KALRN: variants seen among roughly 807,000 people sequenced by gnomAD.
The protein encoded by KALRN is kalirin RhoGEF kinase.
Under a neutral mutation model 353.7 loss-of-function variants are expected in KALRN, and 70 were observed. That is an observed-to-expected ratio of 0.20 (90% CI 0.16 to 0.24). The LOEUF is 0.24. Ranked by LOEUF, KALRN falls within the 10% of genes least tolerant of loss-of-function variation. The pLI, the probability that KALRN is intolerant of heterozygous loss-of-function variation, is 1.00. For missense variants in KALRN, 2,791 were observed against 3,756.7 expected (o/e 0.74, Z 6.72); for synonymous variants, 1,391 against 1,434.8 (o/e 0.97, Z 0.69).
At chr3:124,661,508 C>T (rs1211950231) in intron 44 of KALRN, among the ~76,000 whole-genome samples, 3 of 152,192 alleles carry the variant, frequency 2.0e-5, no homozygotes, top group African/African-American at 7.2e-5. Flanking sequence ...CCAGGCTAAG[C>T]TGTTGCCTGG....
chr3:124,698,094 T>C (rs2062140027), intron 55 of KALRN, among the ~76,000 whole-genome samples: 2 of 152,136 alleles, frequency 1.3e-5, no homozygotes, highest in Middle Eastern at 3.2e-3. Context: ...CTCAGCCTCC[T>C]GAGTAGCTGG....
At chr3:124,110,323 TTGATATATATATGA>T (rs2062808028) in intron 1 of KALRN, among the ~76,000 whole-genome samples, 2 of 43,360 alleles carry the variant, frequency 4.6e-5, no homozygotes, top group Non-Finnish European at 1.3e-4. Flanking sequence ...ATGTCATACT[TTGATATATATATGA>T]CATATATATC....
chr3:124,570,968 C>A (rs1232440890), intron 34 of KALRN, among the ~76,000 whole-genome samples: 1 of 152,182 alleles, frequency 6.6e-6, no homozygotes, highest in Non-Finnish European at 1.5e-5. Context: ...GAGCTTATTA[C>A]TTCTAGAGCC....
At chr3:124,588,968 C>A (rs1017035232) in intron 34 of KALRN, among the ~76,000 whole-genome samples, 1 of 152,206 alleles carries the variant, frequency 6.6e-6, no homozygotes, top group African/African-American at 2.4e-5. Flanking sequence ...GTGGGACTTA[C>A]CCAAACTGAA....
At position 124,052,504 on chromosome 3, in the gene KALRN, A is replaced by G. The variant is rs565430628; in HGVS notation, c.73+18691A>G. Among the ~76,000 whole-genome samples, 57 of 152,240 alleles carry G rather than the reference A, an allele frequency of 3.7e-4. 2 individuals are homozygous for G. Among genetic ancestry groups the G allele is most frequent in the Non-Finnish European group, 6.5e-4 (44 of 68,024 alleles). On this transcript the variant is annotated intron_variant, in intron 1 of 59. Coordinates refer to ENST00000682506, the MANE Select transcript of KALRN (RefSeq NM_001388419.1). ...TGTCCTTGAACCTTTCTTCTCTTGC[A>G]TCAGATAGAGAAGATGGTAAAAAGC...
intron 12 of KALRN, chr3:124,395,631 A>G (rs2090067029): frequency 5.0e-6 from 2 of 398,932 alleles, no homozygotes; most frequent in African/African-American, 2.0e-5. Flanking sequence ...AAAAAAAACA[A>G]AAGTAAAAAA....
chr3:124,568,580 T>C (rs758070970), intron 34 of KALRN, among the ~76,000 whole-genome samples: 6 of 152,286 alleles, frequency 3.9e-5, no homozygotes, highest in South Asian at 2.1e-4. Context: ...TTATTCACAA[T>C]AGTCAAAAGG....
chr3:124,347,345 T>G (rs1406090837), intron 10 of KALRN, 80 bp downstream of exon 10: 1 of 1,484,320 alleles, frequency 6.7e-7, no homozygotes, highest in Non-Finnish European at 9.0e-7. Context: ...GCATGATGAC[T>G]TTGAAGAGGT....
At chr3:124,644,055 G>A (rs533692040) in intron 37 of KALRN, among the ~76,000 whole-genome samples, 36 of 152,234 alleles carry the variant, frequency 2.4e-4, no homozygotes, top group South Asian at 1.2e-3. Context: ...TCCTCATGTA[G>A]ATTAGGTCTC....
At chr3:124,710,355 C>T (rs566291426) in intron 57 of KALRN, among the ~76,000 whole-genome samples, 4 of 152,282 alleles carry the variant, frequency 2.6e-5, no homozygotes, top group African/African-American at 9.6e-5. Context: ...AGGCTAAAAT[C>T]TCATCTTCCA....
At chr3:124,418,887 G>A (rs747617591) in intron 14 of KALRN, among the ~76,000 whole-genome samples, 75 of 152,170 alleles carry the variant, frequency 4.9e-4, no homozygotes, top group Admixed American at 1.1e-3. Flanking sequence ...GGTCCCAGCC[G>A]CAGAGATTCT....
At chr3:124,182,165 A>T (rs1196672505) in intron 1 of KALRN, among the ~76,000 whole-genome samples, 1 of 152,216 alleles carries the variant, frequency 6.6e-6, no homozygotes, top group Non-Finnish European at 1.5e-5. Context: ...ACTTTTTGGG[A>T]AGTGTATTAG....
chr3:124,119,037 C>T (rs142043347), intron 1 of KALRN, among the ~76,000 whole-genome samples: 85 of 152,348 alleles, frequency 5.6e-4, no homozygotes, highest in African/African-American at 1.9e-3. Flanking sequence ...CTTCTCTCAA[C>T]CCCCACCTTG....
At chr3:124,362,341 G>A (rs1249904090) in intron 10 of KALRN, among the ~76,000 whole-genome samples, 2 of 152,214 alleles carry the variant, frequency 1.3e-5, no homozygotes, top group Non-Finnish European at 2.9e-5. Flanking sequence ...CTCTCAAGTT[G>A]TGACAGGAAC....
rs377329912 is a variant in KALRN at position 124,563,137 on chromosome 3, C to T, written c.5182+48C>T. ...AGGCACAGACCAAGGAGGCCATGAG[C>T]GCTGGCCTGACTCTAGCTGAAGACC... On this transcript the variant is annotated intron_variant, in intron 34 of 59. Coordinates refer to ENST00000682506, the MANE Select transcript of KALRN (RefSeq NM_001388419.1). 4.3e-5 allele frequency: 58 copies of T among 1,340,868 alleles called. No homozygotes were observed. The East Asian group carries it at 9.7e-4, about 22-fold the overall frequency. 83.1% of individuals were successfully genotyped at this position (1,340,868 alleles called of 1,614,324 possible).
At chr3:124,472,524 T>A (rs2061021834) in intron 25 of KALRN, among the ~76,000 whole-genome samples, 1 of 152,100 alleles carries the variant, frequency 6.6e-6, no homozygotes, top group Admixed American at 6.6e-5. Flanking sequence ...ACCTCGTCTC[T>A]ATTATTATAA....
At chr3:124,162,855 G>T (rs928215802) in intron 1 of KALRN, 1 of 152,200 alleles carries the variant, frequency 6.6e-6, no homozygotes, top group African/African-American at 2.4e-5. Flanking sequence ...ATCTTCATGT[G>T]TAGGAAGTGA....
chr3:124,461,384 T>C (rs2059845040), intron 23 of KALRN, among the ~76,000 whole-genome samples: 1 of 152,090 alleles, frequency 6.6e-6, no homozygotes, highest in Non-Finnish European at 1.5e-5. Flanking sequence ...CTGATCTCGG[T>C]GTGTTGGACC....
intron 3 of KALRN, among the ~76,000 whole-genome samples, chr3:124,249,289 C>T (rs2070783186): frequency 2.0e-5 from 3 of 152,140 alleles, no homozygotes; most frequent in African/African-American, 7.2e-5. Context: ...TCAGAATCCA[C>T]AGGAGAAGAC....
Sources: allele counts gnomAD v4.1 joint callset (sites outside exome capture counted in the v4.1 genomes callset), GRCh38; gene constraint gnomAD v4.1.1; transcripts MANE v1.5; gene names NCBI Gene and HGNC (gene_info 2026-07-23, HGNC 2026-07-21).